MYZAP: variants seen among roughly 807,000 people sequenced by gnomAD.
MYZAP encodes the protein myocardial zonula adherens protein.
Under a neutral mutation model 69.4 loss-of-function variants are expected in MYZAP, and 66 were observed. That is an observed-to-expected ratio of 0.95 (90% CI 0.78 to 1.17). The LOEUF is 1.17. Ranked by LOEUF, MYZAP falls within the 50% of genes most tolerant of loss-of-function variation. The pLI, the probability that MYZAP is intolerant of heterozygous loss-of-function variation, is 0.00. For missense variants in MYZAP, 611 were observed against 556.2 expected, an observed-to-expected ratio of 1.10 and a Z score of -0.99; for synonymous variants, 256 against 205.9, an observed-to-expected ratio of 1.24 and a Z score of -2.09.
intron 10 of MYZAP, among the ~76,000 whole-genome samples, chr15:57,642,025 T>A (rs2037189183): frequency 6.6e-6 from 1 of 152,218 alleles, no homozygotes; most frequent in Admixed American, 6.5e-5. Context: ...AACCACTGGG[T>A]GACACTTTCA....
intron 8 of MYZAP, among the ~76,000 whole-genome samples, chr15:57,634,817 A>G (rs1004603209): frequency 2.6e-5 from 4 of 152,216 alleles, no homozygotes; most frequent in Non-Finnish European, 5.9e-5. Flanking sequence ...ACAGAATCCC[A>G]TCTTTTATTG....
At chr15:57,618,277 T>C in intron 3 of MYZAP, 89 bp downstream of exon 3, 2 of 1,513,052 alleles carry the variant, frequency 1.3e-6, no homozygotes, top group Non-Finnish European at 1.8e-6. Context: ...GTGAATGTAA[T>C]AAGGCATTTT....
At chr15:57,606,003 A>G (rs1276282982) in intron 2 of MYZAP, among the ~76,000 whole-genome samples, 1 of 152,216 alleles carries the variant, frequency 6.6e-6, no homozygotes, top group East Asian at 1.9e-4. Flanking sequence ...AGAGGATAAA[A>G]TAGGGAAGGC....
At chr15:57,642,086 C>T (rs1453595581) in intron 10 of MYZAP, among the ~76,000 whole-genome samples, 5 of 152,242 alleles carry the variant, frequency 3.3e-5, no homozygotes, top group Non-Finnish European at 7.3e-5. Context: ...ATTTCTAATA[C>T]TGGCTGCACT....
intron 8 of MYZAP, among the ~76,000 whole-genome samples, chr15:57,637,100 C>T (rs1353188320): frequency 6.6e-6 from 1 of 152,190 alleles, no homozygotes; most frequent in East Asian, 1.9e-4. Flanking sequence ...GCCTCCTCCT[C>T]CTTAGAAGGG....
chr15:57,619,379 G>A (rs753693912), intron 3 of MYZAP, among the ~76,000 whole-genome samples: 5 of 152,108 alleles, frequency 3.3e-5, no homozygotes, highest in Admixed American at 6.5e-5. Flanking sequence ...TCGAGACAGC[G>A]TCTCACTCTG....
At position 57,625,844 on chromosome 15, in the gene MYZAP, T is replaced by C. The variant is rs377700253; in HGVS notation, c.477T>C (p.Arg159=). 21 of 1,614,004 alleles carry C rather than the reference T, an allele frequency of 1.3e-5. No individual in the cohort carries two copies. The highest frequency in any genetic ancestry group is 1.7e-5 in the Non-Finnish European group (20 of 1,180,022). The change falls in exon 5 of 13, where the codon CGT becomes CGC. Residue 159 remains arginine, a synonymous_variant. Transcript: ENST00000267853. ...AAACCCAGTCGTCTGCCCTGGATCG[T>C]TTTAATGCCATGAACTCAGCCTTGG... ...HIQTQSSALD[R]FNAMNSALAS... is the part of the protein sequence containing the mutation.
At chr15:57,598,570 G>A (rs1321208517) in intron 1 of MYZAP, among the ~76,000 whole-genome samples, 1 of 152,140 alleles carries the variant, frequency 6.6e-6, no homozygotes, top group East Asian at 1.9e-4. Context: ...TGTGGTGCAT[G>A]GAACACTGGA....
intron 11 of MYZAP, among the ~76,000 whole-genome samples, chr15:57,663,947 G>A (rs988553219): frequency 6.6e-6 from 1 of 151,830 alleles, no homozygotes; most frequent in Non-Finnish European, 1.5e-5. Context: ...ACCTTAAATA[G>A]CAGACAATAT....
At chr15:57,594,359 A>G (rs2033919242) in intron 1 of MYZAP, among the ~76,000 whole-genome samples, 1 of 152,164 alleles carries the variant, frequency 6.6e-6, no homozygotes, top group Non-Finnish European at 1.5e-5. Context: ...CAAGTGATAC[A>G]ACTGCCTCGG....
At chr15:57,636,869 AC>A (rs796634650) in intron 8 of MYZAP, among the ~76,000 whole-genome samples, 9 of 152,350 alleles carry the variant, frequency 5.9e-5, no homozygotes, top group African/African-American at 2.2e-4. Context: ...GCTTAAAACA[AC>A]ACAAATGTAT....
intron 10 of MYZAP, among the ~76,000 whole-genome samples, chr15:57,654,428 A>G (rs1425860240): frequency 6.6e-6 from 1 of 152,060 alleles, no homozygotes; most frequent in African/African-American, 2.4e-5. Context: ...TGCACCTTTT[A>G]TATGCTCTGT....
At chr15:57,657,700 G>A (rs748764306) in intron 10 of MYZAP, among the ~76,000 whole-genome samples, 2 of 152,092 alleles carry the variant, frequency 1.3e-5, no homozygotes, top group African/African-American at 4.8e-5. Context: ...TAAATAATGG[G>A]AGCAAGAACA....
intron 2 of MYZAP, among the ~76,000 whole-genome samples, chr15:57,614,802 A>G (rs2035327542): frequency 6.6e-6 from 1 of 152,228 alleles, no homozygotes; most frequent in African/African-American, 2.4e-5. Flanking sequence ...ATTTGGAAAG[A>G]CATAGGCAGG....
At chr15:57,612,443 T>C (rs1344107882) in intron 2 of MYZAP, among the ~76,000 whole-genome samples, 1 of 152,226 alleles carries the variant, frequency 6.6e-6, no homozygotes, top group Non-Finnish European at 1.5e-5. Context: ...TTGCACAGAT[T>C]AATCCTCAGT....
At chr15:57,637,895 A>C (rs1475498404) in intron 9 of MYZAP, 121 bp downstream of exon 9, 3 of 1,035,714 alleles carry the variant, frequency 2.9e-6, no homozygotes, top group Admixed American at 2.6e-5. Flanking sequence ...AGACTTAAGC[A>C]TACATAACAT....
intron 2 of MYZAP, 25 bp downstream of exon 2, chr15:57,604,380 C>A (rs2034606801): frequency 1.2e-6 from 2 of 1,613,466 alleles, no homozygotes; most frequent in South Asian, 1.1e-5. Flanking sequence ...AGGCAAAGCC[C>A]CAACAAGTTC....
chr15:57,633,563 T>A, intron 7 of MYZAP, 50 bp from the exon 8 acceptor site: 1 of 1,558,974 alleles, frequency 6.4e-7, no homozygotes, highest in East Asian at 2.3e-5. Context: ...TCCCGGTGAG[T>A]AGCCTCGGTA....
intron 2 of MYZAP, among the ~76,000 whole-genome samples, chr15:57,615,282 AAC>A (rs1370461397): frequency 6.6e-6 from 1 of 152,188 alleles, no homozygotes; most frequent in Non-Finnish European, 1.5e-5. Flanking sequence ...TACATACACA[AAC>A]ACACAGTCTT....
Sources: allele counts gnomAD v4.1 joint callset (sites outside exome capture counted in the v4.1 genomes callset), GRCh38; gene constraint gnomAD v4.1.1; transcripts MANE v1.5; gene names NCBI Gene and HGNC (gene_info 2026-07-23, HGNC 2026-07-21).